DLC1: variants seen among roughly 807,000 people sequenced by gnomAD.
DLC1 encodes the protein DLC1 Rho GTPase activating protein.
DLC1 carries 54 observed loss-of-function variants against 140.3 expected under a neutral mutation model. The observed-to-expected ratio is 0.38, with a 90% CI of 0.31 to 0.48. The LOEUF is 0.48. DLC1 is among the 20% of genes least tolerant of loss of function. DLC1 has a pLI of 0.96. For missense variants in DLC1, 2,536 were observed against 1,907.0 expected (o/e 1.33, Z -6.14); for synonymous variants, 986 against 728.1 (o/e 1.35, Z -5.70).
In DLC1 at chr8:13,094,780, T is replaced by C; in HGVS notation, c.3505A>G (p.Thr1169Ala). The change falls in exon 12 of 18, where the codon ACC (threonine) becomes GCC (alanine). Residue 1169 changes from threonine to alanine, a missense_variant. Physicochemically the swap from Thr to Ala is moderately conservative, Grantham distance 58. Coordinates refer to ENST00000276297, the MANE Select transcript of DLC1 (RefSeq NM_182643.3). ...TCACATTGGTAGATCTGTAGAAAGGTTTCCGAGAGTTTGTTCGTCATTAGT... is the reference window on the plus strand; with the variant it reads ...TCACATTGGTAGATCTGTAGAAAGGCTTCCGAGAGTTTGTTCGTCATTAGT... Reference protein sequence around the residue: ...EPLMTNKLSETFLQIYQYVPK... With the variant: ...EPLMTNKLSEAFLQIYQYVPK... 1 of 1,614,118 alleles carries C rather than the reference T, an allele frequency of 6.2e-7. No individual in the cohort carries two copies. Among genetic ancestry groups the C allele is most frequent in the Non-Finnish European group, 8.5e-7 (1 of 1,180,006 alleles).
chr8:13,577,825 T>C (rs1170400171), intron 1 of DLC1, among the ~76,000 whole-genome samples: 1 of 152,104 alleles, frequency 6.6e-6, no homozygotes, highest in Non-Finnish European at 1.5e-5. Flanking sequence ...TTCTTCCTGT[T>C]GGAGAGTATC....
At chr8:13,356,845 A>T (rs1033841887) in intron 4 of DLC1, among the ~76,000 whole-genome samples, 2 of 151,034 alleles carry the variant, frequency 1.3e-5, no homozygotes, top group Non-Finnish European at 1.5e-5. Flanking sequence ...TTTTTTTATT[A>T]TTTTTTTATT....
At chr8:13,498,888 T>C (rs1016674390) in intron 2 of DLC1, 161 bp downstream of exon 2, 29 of 708,778 alleles carry the variant, frequency 4.1e-5, no homozygotes, top group Non-Finnish European at 5.9e-5. Flanking sequence ...TTTTACATAT[T>C]TTGATGGTTT....
At chr8:13,165,932 G>A (rs1169061019) in intron 5 of DLC1, among the ~76,000 whole-genome samples, 1 of 152,044 alleles carries the variant, frequency 6.6e-6, no homozygotes, top group Admixed American at 6.6e-5. Context: ...TTTAATCCAG[G>A]GTCACTGATA....
intron 4 of DLC1, among the ~76,000 whole-genome samples, chr8:13,326,183 G>A (rs577063995): frequency 2.2e-4 from 34 of 152,314 alleles, no homozygotes; most frequent in African/African-American, 7.9e-4. Flanking sequence ...AGGCAATGAT[G>A]AGGATATTAA....
chr8:13,401,406 G>A (rs1011995235), intron 3 of DLC1, 64 bp downstream of exon 3: 11 of 1,567,644 alleles, frequency 7.0e-6, no homozygotes, highest in South Asian at 1.2e-5. Context: ...CTTTGCAAGA[G>A]GGACTGTATA....
At chr8:13,279,406 A>T (rs147975623) in intron 5 of DLC1, among the ~76,000 whole-genome samples, 179 of 152,356 alleles carry the variant, frequency 1.2e-3, no homozygotes, top group African/African-American at 4.2e-3. Context: ...TGCAGGTTGC[A>T]TTAGGTAGAA....
intron 5 of DLC1, among the ~76,000 whole-genome samples, chr8:13,185,389 G>T (rs1826306338): frequency 6.6e-6 from 1 of 151,526 alleles, no homozygotes; most frequent in African/African-American, 2.4e-5. Context: ...CTCACTGAAA[G>T]CTCCATCTCC....
intron 5 of DLC1, among the ~76,000 whole-genome samples, chr8:13,286,869 A>T (rs969638679): frequency 6.6e-6 from 1 of 152,120 alleles, no homozygotes; most frequent in Non-Finnish European, 1.5e-5. Context: ...AGGAGATGGA[A>T]CCTCATGATG....
intron 1 of DLC1, among the ~76,000 whole-genome samples, chr8:13,563,413 A>G (rs558417402): frequency 1.3e-5 from 2 of 152,210 alleles, no homozygotes; most frequent in Non-Finnish European, 2.9e-5. Flanking sequence ...TATATCCTAG[A>G]AAAAATGATG....
intron 4 of DLC1, among the ~76,000 whole-genome samples, chr8:13,314,213 GACAT>G (rs1832782288): frequency 7.2e-6 from 1 of 138,092 alleles, no homozygotes; most frequent in African/African-American, 2.7e-5. Context: ...ATAATATATA[GACAT>G]ACATATATTA....
At chr8:13,321,558 A>C (rs906537635) in intron 4 of DLC1, among the ~76,000 whole-genome samples, 2 of 150,470 alleles carry the variant, frequency 1.3e-5, no homozygotes, top group Admixed American at 6.6e-5. Context: ...AAAAAAAAAA[A>C]AAAAAAAAGA....
At chr8:13,106,154 A>C (rs1453880775) in intron 7 of DLC1, among the ~76,000 whole-genome samples, 1 of 152,172 alleles carries the variant, frequency 6.6e-6, no homozygotes, top group Non-Finnish European at 1.5e-5. Context: ...AGCTGCAGGA[A>C]CCCAGATAAA....
intron 1 of DLC1, among the ~76,000 whole-genome samples, chr8:13,590,842 C>T (rs774208265): frequency 5.9e-5 from 9 of 152,040 alleles, no homozygotes; most frequent in Non-Finnish European, 1.3e-4. Context: ...ATTAAAAATG[C>T]TTCATTTACA....
intron 5 of DLC1, among the ~76,000 whole-genome samples, chr8:13,281,481 A>G (rs1030651583): frequency 6.6e-6 from 1 of 152,236 alleles, no homozygotes; most frequent in African/African-American, 2.4e-5. Flanking sequence ...GTATCTACGC[A>G]TATAGTTCTT....
chr8:13,093,409 T>C (rs983316687), intron 12 of DLC1, among the ~76,000 whole-genome samples: 1 of 152,130 alleles, frequency 6.6e-6, no homozygotes, highest in African/African-American at 2.4e-5. Flanking sequence ...GTTCAATTAA[T>C]AAATAAAACA....
intron 5 of DLC1, among the ~76,000 whole-genome samples, chr8:13,159,827 G>A (rs1404019811): frequency 6.6e-6 from 1 of 151,368 alleles, no homozygotes; most frequent in Non-Finnish European, 1.5e-5. Flanking sequence ...GGTAAGGGAT[G>A]GATGGAGGCA....
At chr8:13,472,370 G>A (rs1010845080) in intron 2 of DLC1, among the ~76,000 whole-genome samples, 1 of 152,182 alleles carries the variant, frequency 6.6e-6, no homozygotes, top group African/African-American at 2.4e-5. Flanking sequence ...GAATGAGAAG[G>A]TGGAAATTTT....
intron 5 of DLC1, among the ~76,000 whole-genome samples, chr8:13,118,612 C>T (rs1221348606): frequency 6.6e-6 from 1 of 152,124 alleles, no homozygotes; most frequent in African/African-American, 2.4e-5. Flanking sequence ...AAATGGAATA[C>T]TTGTTGACCT....
Sources: allele counts gnomAD v4.1 joint callset (sites outside exome capture counted in the v4.1 genomes callset), GRCh38; gene constraint gnomAD v4.1.1; transcripts MANE v1.5; gene names NCBI Gene and HGNC (gene_info 2026-07-23, HGNC 2026-07-21).